The following GFRA2 variants were observed in gnomAD, a reference collection of about 807,000 sequenced individuals.
GFRA2 encodes the protein GDNF family receptor alpha 2, also known as GDNF family receptor alpha-2.
Under a neutral mutation model 48.3 loss-of-function variants are expected in GFRA2, and 17 were observed. The ratio of observed to expected loss-of-function variants is 0.35; its 90% CI spans 0.24 to 0.53. GFRA2 has a LOEUF of 0.53. GFRA2 is among the 20% of genes least tolerant of loss of function. The probability of loss-of-function intolerance (pLI) is 0.93; values close to 1 mark genes in which losing one functional copy is unlikely to be tolerated. For synonymous variants in GFRA2, 305 were observed against 257.2 expected (o/e 1.19, Z -1.78); for missense variants, 660 against 637.3 (o/e 1.04, Z -0.38).
chr8:21,692,044 C>T lies in GFRA2; in HGVS notation c.*1234G>A, dbSNP rs1801901440. Reference sequence around the variant, plus strand: ...TGCTTCCTAGCACGTTTATTGGAGCCTTGGTTAAGCTTGGATGCGGATCAG... The same window carrying T: ...TGCTTCCTAGCACGTTTATTGGAGCTTTGGTTAAGCTTGGATGCGGATCAG... On this transcript the variant is annotated 3_prime_UTR_variant, in exon 9 of 9. Coordinates refer to ENST00000524240, the MANE Select transcript of GFRA2 (RefSeq NM_001495.5). 6.6e-6 allele frequency: 1 copy of T among 152,650 alleles called. No homozygotes were observed. The highest frequency in any genetic ancestry group is 6.5e-5 in the Admixed American group (1 of 15,282). The allele number at this position is 152,650 out of a possible 1,614,324, so 9.5% of individuals were successfully genotyped here. A position where few individuals can be genotyped will look rare whatever the true frequency, so the allele number is the denominator to read the frequency against.
intron 4 of GFRA2, among the ~76,000 whole-genome samples, chr8:21,710,800 G>C (rs1802985103): frequency 6.6e-6 from 1 of 152,256 alleles, no homozygotes; most frequent in African/African-American, 2.4e-5. Context: ...AAAGTGAAGA[G>C]AAGCAGCTAA....
chr8:21,745,168 G>A (rs111334697), intron 4 of GFRA2, among the ~76,000 whole-genome samples: 4 of 152,368 alleles, frequency 2.6e-5, no homozygotes, highest in East Asian at 1.9e-4. Context: ...GGCCTGCCAC[G>A]CAGTGTGCCA....
In GFRA2 at chr8:21,754,575, C is replaced by G. The variant is rs534605840; in HGVS notation, c.440-3633G>C. 2.2e-5 allele frequency among the ~76,000 whole-genome samples: 3 copies of G among 136,836 alleles called. No individual in the cohort carries two copies. In the South Asian group the frequency reaches 6.8e-4, roughly 31 times the overall value. The allele number at this position is 136,836 out of a possible 152,430, so 89.8% of individuals were successfully genotyped here. ...CCAGGCGGGAGTGCAATGGTGTGAT[C>G]GCGGCTCACTGCAACCTCTGCCTCC... On this transcript the variant is annotated intron_variant, in intron 3 of 8. Transcript: ENST00000524240.
At chr8:21,772,145 G>A (rs1411492000) in intron 3 of GFRA2, among the ~76,000 whole-genome samples, 1 of 152,146 alleles carries the variant, frequency 6.6e-6, no homozygotes, top group Non-Finnish European at 1.5e-5. Flanking sequence ...CCAAGCTCAT[G>A]TCCTCATTCA....
chr8:21,700,620 T>C (rs56395481), intron 7 of GFRA2, among the ~76,000 whole-genome samples: 16,063 of 152,160 alleles, frequency 0.11, 1,310 homozygotes, highest in African/African-American at 0.22. Flanking sequence ...TCACCAGGCC[T>C]CTGGTGGCTT....
At chr8:21,716,691 A>C (rs967446929) in intron 4 of GFRA2, among the ~76,000 whole-genome samples, 4 of 152,200 alleles carry the variant, frequency 2.6e-5, no homozygotes, top group Non-Finnish European at 5.9e-5. Flanking sequence ...GACTTTCCCC[A>C]CTGACAAGCA....
At chr8:21,768,751 A>G (rs1806301113) in intron 3 of GFRA2, among the ~76,000 whole-genome samples, 1 of 152,066 alleles carries the variant, frequency 6.6e-6, no homozygotes, top group African/African-American at 2.4e-5. Context: ...AGGACAGACC[A>G]GCTCCTCCCT....
At chr8:21,796,679 T>C (rs1585351120) in intron 2 of GFRA2, among the ~76,000 whole-genome samples, 1 of 152,254 alleles carries the variant, frequency 6.6e-6, no homozygotes, top group East Asian at 1.9e-4. Flanking sequence ...TCTTTTCCCA[T>C]CATCTAGAAC....
chr8:21,802,404 G>T (rs889158802), intron 2 of GFRA2, among the ~76,000 whole-genome samples: 10 of 152,164 alleles, frequency 6.6e-5, no homozygotes, highest in Non-Finnish European at 1.3e-4. Context: ...GTCCAGGCTG[G>T]AGTGCAGTGG....
intron 4 of GFRA2, among the ~76,000 whole-genome samples, chr8:21,745,868 C>G (rs542543489): frequency 6.6e-6 from 1 of 152,322 alleles, no homozygotes; most frequent in Admixed American, 6.5e-5. Context: ...CTTCAAATAC[C>G]TGCTCCCACA....
Position 21,774,779 on chromosome 8 carries a change from T to C in GFRA2, c.439+193A>G, listed in dbSNP as rs925921482. Among the ~76,000 whole-genome samples, 4 of 152,292 alleles carry C rather than the reference T, an allele frequency of 2.6e-5. No individual in the cohort carries two copies. The South Asian group carries it at 6.2e-4, about 24-fold the overall frequency. The stretch of plus-strand genomic sequence containing the variant: ...CAATTTCCACCAACGCCTTGCTCCA[T>C]AGAAGCACCCAGGGAGGTGGGCATC... On this transcript the variant is annotated intron_variant, in intron 3 of 8. Coordinates refer to ENST00000524240, the MANE Select transcript of GFRA2 (RefSeq NM_001495.5).
chr8:21,789,653 C>T (rs1430638069), upstream of GFRA2, among the ~76,000 whole-genome samples: 8 of 152,148 alleles, frequency 5.3e-5, no homozygotes, highest in African/African-American at 1.4e-4. Context: ...CCCGGCCTAG[C>T]CCCGCGCGCA....
At chr8:21,785,826 A>G (rs1291290199) in intron 1 of GFRA2, among the ~76,000 whole-genome samples, 1 of 152,088 alleles carries the variant, frequency 6.6e-6, no homozygotes, top group African/African-American at 2.4e-5. Context: ...GTAGGGGCAC[A>G]CCAAAGGCCT....
rs1288889386 is a variant in GFRA2, at chr8:21,788,722, C to CA, written c.-564dup. The CA allele has an allele frequency of 1.4e-5, 14 of 983,054 alleles. No individual in the cohort carries two copies. The highest frequency in any genetic ancestry group is 3.5e-5 in the African/African-American group (2 of 57,098). 60.9% of individuals were successfully genotyped at this position (983,054 alleles called of 1,614,324 possible). On this transcript the variant is annotated 5_prime_UTR_variant, in exon 1 of 9. Transcript: ENST00000524240. ...TTCGCACCAAGACGAAGACAAGATT[C>CA]AAAAAAATCTTCTCCCGCTAACCCT...
chr8:21,759,613 G>T (rs150259658), intron 3 of GFRA2, among the ~76,000 whole-genome samples: 1 of 151,706 alleles, frequency 6.6e-6, no homozygotes, highest in African/African-American at 2.4e-5. Flanking sequence ...GACCAGCTGG[G>T]TGCAGTGCTT....
chr8:21,800,952 G>C (rs1807759675), intron 2 of GFRA2, among the ~76,000 whole-genome samples: 1 of 150,554 alleles, frequency 6.6e-6, no homozygotes, highest in African/African-American at 2.4e-5. Flanking sequence ...AAGAAGTCCA[G>C]TGAGGGCATC....
chr8:21,783,377 G>A (rs910878192), intron 1 of GFRA2, among the ~76,000 whole-genome samples: 7 of 152,200 alleles, frequency 4.6e-5, no homozygotes, highest in South Asian at 2.1e-4. Context: ...GATGCAGTGC[G>A]AAGTCATTTC....
intron 4 of GFRA2, among the ~76,000 whole-genome samples, chr8:21,719,756 C>T (rs549968413): frequency 2.7e-4 from 41 of 152,240 alleles, no homozygotes; most frequent in Middle Eastern, 3.4e-3. Flanking sequence ...GGATTTCTTC[C>T]CTTTCTCCCT....
Position 21,693,234 on chromosome 8 carries a change from T to C in GFRA2, c.*44A>G, listed in dbSNP as rs1428826724. On this transcript the variant is annotated 3_prime_UTR_variant, in exon 9 of 9. Coordinates refer to ENST00000524240, the MANE Select transcript of GFRA2 (RefSeq NM_001495.5). Reference sequence around the variant, plus strand: ...TTCCATTTCGTCAGGCGGCTGTTCTTGTCTGCGTAGCTTTCAAAAATATTC... The same window carrying C: ...TTCCATTTCGTCAGGCGGCTGTTCTCGTCTGCGTAGCTTTCAAAAATATTC... 2 of 1,578,414 alleles carry C rather than the reference T, an allele frequency of 1.3e-6. No individual in the cohort carries two copies. The highest frequency in any genetic ancestry group is 2.3e-5 in the East Asian group (1 of 43,874).
Sources: gnomAD v4.1 joint callset for allele counts (sites outside exome capture counted in the v4.1 genomes callset) on GRCh38, gnomAD v4.1.1 for gene constraint, MANE v1.5 for transcripts, NCBI Gene and HGNC (gene_info 2026-07-23, HGNC 2026-07-21) for gene names.